The following AGBL4 variants were observed in gnomAD, a reference collection of about 807,000 sequenced individuals.
AGBL4 encodes cytosolic carboxypeptidase 6.
A neutral mutation model predicts 66.4 loss-of-function variants in AGBL4; 58 were observed. That is an observed-to-expected ratio of 0.87 (90% CI 0.71 to 1.09). The LOEUF is 1.09. Among genes scored for constraint, AGBL4 ranks in the 50% least tolerant of loss-of-function variants. AGBL4 has a pLI of 0.00. For synonymous variants in AGBL4, 234 were observed against 222.9 expected, an observed-to-expected ratio of 1.05 and a Z score of -0.44; for missense variants, 579 against 631.0, an observed-to-expected ratio of 0.92 and a Z score of 0.88.
intron 5 of AGBL4, among the ~76,000 whole-genome samples, chr1:48,903,743 T>C (rs1652312931): frequency 6.6e-6 from 1 of 152,160 alleles, no homozygotes; most frequent in African/African-American, 2.4e-5. Context: ...TGAGATATAG[T>C]CACTGGCCTC....
At chr1:49,616,986 G>T (rs1453920795) in intron 3 of AGBL4, among the ~76,000 whole-genome samples, 2 of 151,878 alleles carry the variant, frequency 1.3e-5, no homozygotes, top group Non-Finnish European at 2.9e-5. Flanking sequence ...TTCTTCTATT[G>T]TACATTTTCT....
At chr1:49,912,850 T>C (rs879615182) in intron 1 of AGBL4, among the ~76,000 whole-genome samples, 1 of 152,142 alleles carries the variant, frequency 6.6e-6, no homozygotes, top group Non-Finnish European at 1.5e-5. Flanking sequence ...CAAGAGAACA[T>C]GTGAAATAGA....
intron 4 of AGBL4, among the ~76,000 whole-genome samples, chr1:49,110,405 A>AT (rs1269736370): frequency 1.3e-5 from 2 of 152,012 alleles, no homozygotes; most frequent in Admixed American, 6.6e-5. Flanking sequence ...TAGGTTTCTC[A>AT]TTTTTTTCTC....
chr1:50,013,209 AG>A (rs1661684298), intron 1 of AGBL4, among the ~76,000 whole-genome samples: 1 of 152,222 alleles, frequency 6.6e-6, no homozygotes. Flanking sequence ...ATTTAAAGGA[AG>A]AAATAGTCCT....
Position 49,370,325 on chromosome 1 carries a change from C to G in AGBL4, c.283-124461G>C, listed in dbSNP as rs924704050. ...AGGGCAGGCCAGTGGACTACAAACT[C>G]AGGCAGGAATTGAAATCACAGTCTT... On this transcript the variant is annotated intron_variant, in intron 3 of 13. Coordinates refer to ENST00000371839, the MANE Select transcript of AGBL4 (RefSeq NM_032785.4). Among the ~76,000 whole-genome samples, 4 of 151,920 alleles carry G rather than the reference C, an allele frequency of 2.6e-5. No individual in the cohort carries two copies. The South Asian group carries it at 6.2e-4, about 24-fold the overall frequency.
At position 49,693,279 on chromosome 1, in the gene AGBL4, T is replaced by C. The variant is rs991534493; in HGVS notation, c.282+4034A>G. On this transcript the variant is annotated intron_variant, in intron 3 of 13. Transcript: ENST00000371839. ...CCTATCATTTCCTCTCATAGGAATT[T>C]ATCCTAAGGAAGCAAAATAAAATTT... 1.3e-5 allele frequency among the ~76,000 whole-genome samples: 2 copies of C among 152,320 alleles called. 1 individual carries two copies.
intron 5 of AGBL4, among the ~76,000 whole-genome samples, chr1:48,933,542 T>C (rs1202716071): frequency 6.6e-6 from 1 of 152,210 alleles, no homozygotes; most frequent in African/African-American, 2.4e-5. Context: ...TGCAAAAGTA[T>C]CATCCATGTC....
At chr1:49,628,049 C>A (rs1403712321) in intron 3 of AGBL4, among the ~76,000 whole-genome samples, 1 of 152,118 alleles carries the variant, frequency 6.6e-6, no homozygotes, top group Non-Finnish European at 1.5e-5. Context: ...ATTAAGAGTT[C>A]CAGATGCATG....
intron 5 of AGBL4, among the ~76,000 whole-genome samples, chr1:49,044,999 A>C (rs1260875656): frequency 2.0e-5 from 3 of 152,184 alleles, no homozygotes; most frequent in African/African-American, 7.2e-5. Context: ...TCACATCAGC[A>C]ATAGGGAACA....
At chr1:48,561,020 G>T (rs1015422580) in intron 11 of AGBL4, among the ~76,000 whole-genome samples, 1 of 152,140 alleles carries the variant, frequency 6.6e-6, no homozygotes, top group Non-Finnish European at 1.5e-5. Context: ...TGGCCATACT[G>T]CAGTGCTAGT....
At chr1:49,887,191 G>A (rs1289765189) in intron 1 of AGBL4, among the ~76,000 whole-genome samples, 3 of 147,748 alleles carry the variant, frequency 2.0e-5, no homozygotes, top group East Asian at 2.0e-4. Flanking sequence ...ATATATATAT[G>A]TGTATGTATA....
intron 3 of AGBL4, among the ~76,000 whole-genome samples, chr1:49,265,466 C>T (rs1399600434): frequency 2.6e-5 from 4 of 152,134 alleles, no homozygotes; most frequent in African/African-American, 9.7e-5. Flanking sequence ...ATTTGTTCAA[C>T]CAATCAGCTC....
chr1:49,788,312 G>A (rs1461861414), intron 2 of AGBL4, among the ~76,000 whole-genome samples: 12 of 151,474 alleles, frequency 7.9e-5, no homozygotes, highest in Admixed American at 7.9e-4. Context: ...AAACTGAACT[G>A]CACACTAGAA....
intron 2 of AGBL4, among the ~76,000 whole-genome samples, chr1:49,818,594 T>C (rs1017882973): frequency 1.2e-4 from 18 of 152,232 alleles, no homozygotes; most frequent in African/African-American, 3.4e-4. Context: ...CTTGAACTCC[T>C]GGGCTCAGGT....
chr1:49,391,735 G>A (rs563198654), intron 3 of AGBL4, among the ~76,000 whole-genome samples: 5 of 151,872 alleles, frequency 3.3e-5, no homozygotes, highest in Non-Finnish European at 7.4e-5. Context: ...CTAATTTTTT[G>A]TATTTTTAGT....
intron 3 of AGBL4, among the ~76,000 whole-genome samples, chr1:49,518,283 A>G (rs1300084208): frequency 1.3e-5 from 2 of 152,060 alleles, no homozygotes; most frequent in Admixed American, 6.6e-5. Flanking sequence ...ACACTTTTCA[A>G]AAAGCTTCCC....
chr1:49,770,440 A>T (rs1296953117), intron 2 of AGBL4, among the ~76,000 whole-genome samples: 2 of 151,854 alleles, frequency 1.3e-5, no homozygotes, highest in African/African-American at 2.4e-5. Context: ...CTTTTTGATA[A>T]TTTTTGCATC....
At chr1:49,338,397 T>G (rs1030067529) in intron 3 of AGBL4, among the ~76,000 whole-genome samples, 5 of 152,246 alleles carry the variant, frequency 3.3e-5, no homozygotes, top group Admixed American at 1.3e-4. Flanking sequence ...TCTTCCTAAG[T>G]ATTTCTTTCC....
chr1:49,696,863 A>C (rs1392967175), intron 3 of AGBL4, among the ~76,000 whole-genome samples: 2 of 152,194 alleles, frequency 1.3e-5, no homozygotes, highest in Non-Finnish European at 2.9e-5. Flanking sequence ...ATCAGTTACA[A>C]GAATCATATT....
Sources: allele counts gnomAD v4.1 joint callset (sites outside exome capture counted in the v4.1 genomes callset), GRCh38; gene constraint gnomAD v4.1.1; transcripts MANE v1.5; gene names NCBI Gene and HGNC (gene_info 2026-07-23, HGNC 2026-07-21).